Variants in FRAS1 observed in about 807,000 individuals in gnomAD.
FRAS1 encodes Fraser extracellular matrix complex subunit 1.
FRAS1 carries 290 observed loss-of-function variants against 435.2 expected under a neutral mutation model. The ratio of observed to expected loss-of-function variants is 0.67; its 90% confidence interval spans 0.61 to 0.73. The LOEUF is 0.73. Among genes scored for constraint, FRAS1 ranks in the 30% least tolerant of loss-of-function variants. The pLI is 0.00. For synonymous variants in FRAS1, 1,800 were observed against 1,851.0 expected, an observed-to-expected ratio of 0.97 and a Z score of 0.71; for missense variants, 4,860 against 5,001.5, an observed-to-expected ratio of 0.97 and a Z score of 0.85.
At chr4:78,346,334 C>T (rs1460837858) in intron 20 of FRAS1, among the ~76,000 whole-genome samples, 2 of 152,180 alleles carry the variant, frequency 1.3e-5, no homozygotes, top group Non-Finnish European at 2.9e-5. Flanking sequence ...TGGTTGCAAG[C>T]ACAGGAAGTT....
At position 78,099,277 on chromosome 4, in the gene FRAS1, A is replaced by G. The variant is rs921237744; in HGVS notation, c.108+33261A>G. Reference sequence around the variant, plus strand: ...TGCAGTACTTGAAGTGGATGAGAGAACTTTGGGAAGGGGAACAACTAAATT... The same window carrying G: ...TGCAGTACTTGAAGTGGATGAGAGAGCTTTGGGAAGGGGAACAACTAAATT... On this transcript the variant is annotated intron_variant, in intron 2 of 73. Transcript: ENST00000512123. Among the ~76,000 whole-genome samples, 7 of 152,276 alleles carry G rather than the reference A, an allele frequency of 4.6e-5. No homozygotes were observed. The East Asian group carries it at 5.8e-4, about 13-fold the overall frequency.
At chr4:78,064,054 C>T (rs1308665202) in intron 1 of FRAS1, among the ~76,000 whole-genome samples, 1 of 151,746 alleles carries the variant, frequency 6.6e-6, no homozygotes, top group African/African-American at 2.4e-5. Flanking sequence ...CATATGTACA[C>T]ATATATATAT....
chr4:78,492,062 G>A (rs995808798), intron 59 of FRAS1, among the ~76,000 whole-genome samples: 3 of 152,118 alleles, frequency 2.0e-5, no homozygotes, highest in Non-Finnish European at 4.4e-5. Context: ...GCTACAAAGA[G>A]AATAAAATAC....
chr4:78,070,598 C>G (rs4639099), intron 2 of FRAS1: 140,849 of 152,198 alleles, frequency 0.93, 66,205 homozygotes, highest in East Asian at 1. Context: ...CCTTGTGGAA[C>G]ACAGCGTGAC....
chr4:78,488,933 G>T lies in FRAS1; in HGVS notation c.8811G>T (p.Leu2937=). 6.2e-7 allele frequency: 1 copy of T among 1,613,452 alleles called. No individual in the cohort carries two copies. Among genetic ancestry groups the T allele is most frequent in the Non-Finnish European group, 8.5e-7 (1 of 1,179,690 alleles). Residue 2937 remains leucine (L), a synonymous_variant, in exon 59 of 74, where the codon CTG becomes CTT. Coordinates refer to ENST00000512123, the MANE Select transcript of FRAS1 (RefSeq NM_025074.7). ...LLLVKEKEGV[L]HVPITRSGDL... is the part of the protein sequence containing the mutation. ...TAGTGAAGGAGAAGGAGGGTGTCCT[G>T]CATGTCCCTATCACTCGGAGCGGAG...
chr4:78,470,025 A>C lies in FRAS1; in HGVS notation c.7305A>C (p.Val2435=), dbSNP rs747313117. 4 of 1,613,716 alleles carry C rather than the reference A, an allele frequency of 2.5e-6. No individual in the cohort carries two copies. The East Asian group carries it at 8.9e-5, about 36-fold the overall frequency. ...PQPFRVDILP[V]DDGTPRIVTN... Reference sequence around the variant, plus strand: ...CGTTCCGAGTAGACATCCTCCCGGTAGATGATGGCACGCCTAGAATTGTCA... The same window carrying C: ...CGTTCCGAGTAGACATCCTCCCGGTCGATGATGGCACGCCTAGAATTGTCA... The change falls in exon 51 of 74, where the codon GTA becomes GTC. Residue 2435 remains valine (V), a synonymous_variant. Coordinates refer to ENST00000512123, the MANE Select transcript of FRAS1 (RefSeq NM_025074.7).
chr4:78,469,072 C>A (rs926509750), intron 50 of FRAS1, among the ~76,000 whole-genome samples: 2 of 152,170 alleles, frequency 1.3e-5, no homozygotes, highest in African/African-American at 2.4e-5. Context: ...TTTTCTCTCC[C>A]AAACTGTAGC....
chr4:78,340,084 C>T (rs978457336), intron 20 of FRAS1, among the ~76,000 whole-genome samples: 1 of 152,036 alleles, frequency 6.6e-6, no homozygotes, highest in African/African-American at 2.4e-5. Flanking sequence ...TTCTAATGTC[C>T]AGAGTGTTCT....
At chr4:78,514,532 A>G (rs1226189909) in intron 65 of FRAS1, among the ~76,000 whole-genome samples, 2 of 152,238 alleles carry the variant, frequency 1.3e-5, no homozygotes, top group Non-Finnish European at 2.9e-5. Flanking sequence ...AGTGAAAATT[A>G]TTTATAAATC....
chr4:78,329,952 T>C (rs759266557), intron 18 of FRAS1, among the ~76,000 whole-genome samples: 2 of 152,170 alleles, frequency 1.3e-5, no homozygotes, highest in African/African-American at 2.4e-5. Flanking sequence ...TTTAATCAGC[T>C]TGTTTTTAGT....
intron 14 of FRAS1, among the ~76,000 whole-genome samples, chr4:78,291,657 G>C (rs559925907): frequency 1.3e-4 from 19 of 151,984 alleles, no homozygotes; most frequent in African/African-American, 4.3e-4. Flanking sequence ...TTTGACCATT[G>C]TTCTAGGTCC....
intron 61 of FRAS1, among the ~76,000 whole-genome samples, chr4:78,501,126 C>G (rs937107305): frequency 6.6e-6 from 1 of 152,158 alleles, no homozygotes; most frequent in Non-Finnish European, 1.5e-5. Context: ...AGCCCTTCAT[C>G]CTCCAACAGG....
At chr4:78,340,436 A>C (rs1730351360) in intron 20 of FRAS1, among the ~76,000 whole-genome samples, 2 of 152,214 alleles carry the variant, frequency 1.3e-5, no homozygotes, top group African/African-American at 2.4e-5. Context: ...TTTTTCACTA[A>C]ATGTATGACT....
chr4:78,297,465 T>C (rs1268993758), intron 14 of FRAS1, among the ~76,000 whole-genome samples: 1 of 152,228 alleles, frequency 6.6e-6, no homozygotes, highest in Admixed American at 6.5e-5. Context: ...TTAAAACATT[T>C]TTAAAGCAAT....
At chr4:78,435,440 T>C (rs557855580) in intron 38 of FRAS1, among the ~76,000 whole-genome samples, 2 of 152,070 alleles carry the variant, frequency 1.3e-5, no homozygotes, top group South Asian at 2.1e-4. Context: ...GGAACTGTAA[T>C]ATAAAACAGA....
At chr4:78,301,977 T>C (rs1728430585) in intron 14 of FRAS1, among the ~76,000 whole-genome samples, 1 of 151,584 alleles carries the variant, frequency 6.6e-6, no homozygotes, top group South Asian at 2.1e-4. Flanking sequence ...TAGCATTAGG[T>C]ATATCTCCCA....
chr4:78,533,087 T>C (rs1321466822), intron 70 of FRAS1, among the ~76,000 whole-genome samples: 1 of 152,248 alleles, frequency 6.6e-6, no homozygotes, highest in African/African-American at 2.4e-5. Context: ...TGCACCAATT[T>C]ACACCCATGA....
intron 2 of FRAS1, among the ~76,000 whole-genome samples, chr4:78,116,911 G>A (rs1030631352): frequency 2.6e-5 from 4 of 152,218 alleles, no homozygotes; most frequent in African/African-American, 9.6e-5. Context: ...AGTTGATGCA[G>A]TTTCTTCCTA....
At chr4:78,534,330 T>G (rs1455367441) in intron 70 of FRAS1, 119 bp from the exon 71 acceptor site, 10 of 703,176 alleles carry the variant, frequency 1.4e-5, no homozygotes, top group African/African-American at 3.6e-5. Flanking sequence ...GAATATTTAG[T>G]GCCCACAACA....
Sources: gnomAD v4.1 joint callset for allele counts (sites outside exome capture counted in the v4.1 genomes callset) on GRCh38, gnomAD v4.1.1 for gene constraint, MANE v1.5 for transcripts, NCBI Gene and HGNC (gene_info 2026-07-23, HGNC 2026-07-21) for gene names.